The following TNRC6C variants were observed in gnomAD, a reference collection of about 807,000 sequenced individuals.
TNRC6C encodes trinucleotide repeat containing adaptor 6C.
A neutral mutation model predicts 153.7 loss-of-function variants in TNRC6C; 20 were observed. The observed-to-expected ratio is 0.13, with a 90% confidence interval of 0.09 to 0.19. The LOEUF (loss-of-function observed/expected upper bound fraction) is 0.19, where lower values mean the gene tolerates loss of function less well. TNRC6C is among the 10% of genes least tolerant of loss of function. The pLI, the probability that TNRC6C is intolerant of heterozygous loss-of-function variation, is 1.00. For missense variants in TNRC6C, 1,987 were observed against 2,172.0 expected (o/e 0.91, Z 1.69); for synonymous variants, 811 against 841.4 (o/e 0.96, Z 0.63).
intron 1 of TNRC6C, among the ~76,000 whole-genome samples, chr17:77,967,440 C>T (rs1262031310): frequency 1.3e-5 from 2 of 152,048 alleles, no homozygotes; most frequent in African/African-American, 2.4e-5. Flanking sequence ...CATGTTTCTT[C>T]GGTTTTTAAT....
At chr17:78,106,542 CAAAA>C (rs1567973162) in exon 20 of TNRC6C, 1 of 124,470 alleles carries the variant, frequency 8.0e-6, no homozygotes, top group Non-Finnish European at 1.7e-5. Flanking sequence ...AAAAACAAAA[CAAAA>C]CAAAAAAATG....
At chr17:78,051,530 C>A in intron 3 of TNRC6C, 82 bp downstream of exon 5, 1 of 1,286,148 alleles carries the variant, frequency 7.8e-7, no homozygotes, top group Non-Finnish European at 1.0e-6. Flanking sequence ...ATGAATACTC[C>A]GAGTAGTGTT....
chr17:77,998,042 CTG>C (rs1262326852), intron 1 of TNRC6C, among the ~76,000 whole-genome samples: 2 of 152,160 alleles, frequency 1.3e-5, no homozygotes, highest in Non-Finnish European at 2.9e-5. Flanking sequence ...ACCATTCACT[CTG>C]TGGTGTGTAG....
intron 1 of TNRC6C, among the ~76,000 whole-genome samples, chr17:77,963,186 C>T (rs1048634071): frequency 1.3e-5 from 2 of 152,152 alleles, no homozygotes; most frequent in African/African-American, 2.4e-5. Context: ...AATATAATTA[C>T]TTAAAAATGT....
At chr17:77,969,486 G>A (rs983885461) in intron 1 of TNRC6C, among the ~76,000 whole-genome samples, 3 of 152,068 alleles carry the variant, frequency 2.0e-5, no homozygotes, top group Non-Finnish European at 4.4e-5. Flanking sequence ...CTGATCTCAG[G>A]TGATCCACCT....
At chr17:78,105,998 A>G (rs556696875) in exon 20 of TNRC6C, 1 of 152,236 alleles carries the variant, frequency 6.6e-6, no homozygotes, top group South Asian at 2.1e-4. Context: ...GACTAATGCA[A>G]GAAAATTATT....
At position 78,006,389 on chromosome 17, in the gene TNRC6C, A is replaced by G. The variant is rs115714987; in HGVS notation, c.-546+1310A>G. Among the ~76,000 whole-genome samples, 1,406 of 152,348 alleles carry G rather than the reference A, an allele frequency of 9.2e-3. 22 individuals are homozygous for G. Among genetic ancestry groups the G allele is most frequent in the African/African-American group, 0.033 (1,367 of 41,572 alleles). On this transcript the variant is annotated intron_variant, in intron 1 of 19. Coordinates refer to ENST00000301624, the Ensembl canonical transcript of TNRC6C. ...AAAGGTTTATGGTACATAGTTGTGT[A>G]TGAATTTATGATCTTGAATGAAAAA...
At position 78,075,235 on chromosome 17, in the gene TNRC6C, T is replaced by A. The variant is rs557846686; in HGVS notation, c.3017T>A (p.Ile1006Asn). ...AAGCCCCTCGGCTGCCGCCCGCCAATCTCCAAAGAGTCTTCCGTGGACCGC... is the reference window on the plus strand; with the variant it reads ...AAGCCCCTCGGCTGCCGCCCGCCAAACTCCAAAGAGTCTTCCGTGGACCGC... Residue 1006 changes from isoleucine (I) to asparagine (N), a missense_variant, in exon 8 of 20, where the codon ATC becomes AAC. Coordinates refer to ENST00000301624, the Ensembl canonical transcript of TNRC6C. This position sits in a 1 kb window ranked among gnomAD's most constrained non-coding sequence, Gnocchi z 4.2. 2.5e-6 allele frequency: 4 copies of A among 1,604,108 alleles called. No individual in the cohort carries two copies. In the African/African-American group the frequency reaches 5.3e-5, roughly 21 times the overall value.
intron 3 of TNRC6C, 32 bp downstream of exon 5, chr17:78,051,480 TAAA>T (rs201980311): frequency 0.1 from 114,153 of 1,109,848 alleles, 1,270 homozygotes; most frequent in African/African-American, 0.2. Context: ...TCTTTACAAG[TAAA>T]AAAAAAAAAA....
rs981057487 is a variant in TNRC6C at position 78,101,114 on chromosome 17, C to T, written c.4502-1360C>T. Among the ~76,000 whole-genome samples, 13 of 152,258 alleles carry T rather than the reference C, an allele frequency of 8.5e-5. 1 individual carries two copies. Among genetic ancestry groups the T allele is most frequent in the Admixed American group, 1.3e-4 (2 of 15,282 alleles). ...TTCATGTTCGACTTTCCTTATAAAACGGAATGCTTTTAGCAGCACCCAAGT... is the reference window on the plus strand; with the variant it reads ...TTCATGTTCGACTTTCCTTATAAAATGGAATGCTTTTAGCAGCACCCAAGT... On this transcript the variant is annotated intron_variant, in intron 17 of 19. Transcript: ENST00000301624.
At chr17:78,018,892 G>T (rs1037065686) in intron 1 of TNRC6C, among the ~76,000 whole-genome samples, 3 of 152,142 alleles carry the variant, frequency 2.0e-5, no homozygotes, top group African/African-American at 7.2e-5. Flanking sequence ...GTTTTAAGCA[G>T]TTACAAGAGG....
At chr17:77,973,548 C>T (rs555681576) in intron 1 of TNRC6C, among the ~76,000 whole-genome samples, 1 of 152,270 alleles carries the variant, frequency 6.6e-6, no homozygotes, top group African/African-American at 2.4e-5. Context: ...AGCGGTGAAA[C>T]CGTCCTTATC....
chr17:78,047,316 C>T lies in TNRC6C; in HGVS notation c.-218-1529C>T, dbSNP rs140985481. Among the ~76,000 whole-genome samples the T allele has an allele frequency of 2.3e-4, 35 of 152,220 alleles. 2 individuals carry two copies. The East Asian group carries it at 6.6e-3, about 29-fold the overall frequency. ...TCATAAACCAGGGTTATAGAGCCAACCCCTAATAATTGGCAGTGAAAAGAA... is the reference window on the plus strand; with the variant it reads ...TCATAAACCAGGGTTATAGAGCCAATCCCTAATAATTGGCAGTGAAAAGAA... On this transcript the variant is annotated intron_variant, in intron 2 of 19. Transcript: ENST00000301624.
chr17:78,063,402 G>A (rs1460056914), intron 3 of TNRC6C, among the ~76,000 whole-genome samples: 1 of 151,776 alleles, frequency 6.6e-6, no homozygotes, highest in Non-Finnish European at 1.5e-5. Flanking sequence ...GGAAGGGGAG[G>A]GCTTGGTCTT....
intron 1 of TNRC6C, among the ~76,000 whole-genome samples, chr17:78,017,431 C>T (rs2071748980): frequency 6.6e-6 from 1 of 152,130 alleles, no homozygotes; most frequent in African/African-American, 2.4e-5. Context: ...AGGAGGGCAC[C>T]GCTGCCTCCT....
At chr17:78,000,891 A>G (rs754711165), upstream of TNRC6C, among the ~76,000 whole-genome samples, 22 of 152,306 alleles carry the variant, frequency 1.4e-4, no homozygotes, top group South Asian at 1.2e-3. Context: ...ATTGTTTTGC[A>G]TGAAGTGGCT....
intron 6 of TNRC6C, among the ~76,000 whole-genome samples, chr17:78,071,679 C>T (rs996449658): frequency 6.6e-5 from 10 of 152,192 alleles, no homozygotes; most frequent in Non-Finnish European, 1.0e-4. Flanking sequence ...TGAGTCACTA[C>T]GCCCAGCCGG....
Position 78,077,055 on chromosome 17 carries a change from C to T in TNRC6C, c.3061-130C>T, listed in dbSNP as rs1298384486. ...TTCCTTTTGCACATGTTCTCCATTC[C>T]CTTATCCACACTTTTTTGATCTGTT... is the stretch of plus-strand genomic sequence containing the variant. On this transcript the variant is annotated intron_variant, in intron 8 of 19. Transcript: ENST00000301624. 2.1e-5 allele frequency: 22 copies of T among 1,028,002 alleles called. No individual in the cohort carries two copies. The Middle Eastern group carries it at 9.7e-4, about 45-fold the overall frequency. 63.7% of individuals were successfully genotyped at this position (1,028,002 alleles called of 1,614,324 possible). A position where few individuals can be genotyped will look rare whatever the true frequency, so the allele number is the denominator to read the frequency against.
intron 1 of TNRC6C, among the ~76,000 whole-genome samples, chr17:77,993,257 C>T (rs528558854): frequency 1.3e-4 from 20 of 152,302 alleles, no homozygotes; most frequent in Admixed American, 4.6e-4. Flanking sequence ...CCACCGCGTG[C>T]GGCCCTATCA....
Sources: gnomAD v4.1 joint callset for allele counts (sites outside exome capture counted in the v4.1 genomes callset) on GRCh38, gnomAD v4.1.1 for gene constraint, Gnocchi (gnomAD v3.1) non-coding constraint, MANE v1.5 for transcripts, NCBI Gene and HGNC (gene_info 2026-07-23, HGNC 2026-07-21) for gene names.